The following TOM1L1 variants were observed in gnomAD, a reference collection of about 807,000 sequenced individuals.
TOM1L1 encodes the protein target of myb1 like 1 membrane trafficking protein.
In TOM1L1, 64 loss-of-function variants were observed where a neutral mutation model predicts 63.4. The observed-to-expected ratio is 1.01, with a 90% CI of 0.83 to 1.24. The LOEUF (loss-of-function observed/expected upper bound fraction) is 1.24, where lower values mean the gene tolerates loss of function less well. Among genes scored for constraint, TOM1L1 ranks in the 50% most tolerant of loss-of-function variants. The pLI is 0.00. For missense variants in TOM1L1, 536 were observed against 567.0 expected, an observed-to-expected ratio of 0.95 and a Z score of 0.55; for synonymous variants, 166 against 194.4, an observed-to-expected ratio of 0.85 and a Z score of 1.22.
At chr17:54,912,639 T>C (rs748142439) in intron 3 of TOM1L1, 27 bp from the exon 4 acceptor site, 2 of 1,494,868 alleles carry the variant, frequency 1.3e-6, no homozygotes, top group East Asian at 2.5e-5. Flanking sequence ...CAGATAAATA[T>C]AATGTTTAAT....
At chr17:54,936,917 T>C (rs1309382545) in intron 9 of TOM1L1, among the ~76,000 whole-genome samples, 192 bp from the exon 10 acceptor site, 9 of 152,286 alleles carry the variant, frequency 5.9e-5, no homozygotes, top group African/African-American at 2.2e-4. Context: ...GTTAATGTTA[T>C]GAAGTTATTA....
intron 8 of TOM1L1, chr17:54,930,445 C>G (rs533296585): frequency 7.1e-6 from 3 of 424,532 alleles, no homozygotes; most frequent in African/African-American, 6.1e-5. Flanking sequence ...TGGCTCCCAG[C>G]TATAATCTCA....
chr17:54,944,460 A>AG (rs909277474), intron 11 of TOM1L1, among the ~76,000 whole-genome samples: 2 of 152,004 alleles, frequency 1.3e-5, no homozygotes, highest in African/African-American at 4.8e-5. Flanking sequence ...AAAAAAAAAA[A>AG]AAAATTCAAG....
chr17:54,941,369 A>G (rs1176067650), intron 11 of TOM1L1, among the ~76,000 whole-genome samples: 1 of 152,214 alleles, frequency 6.6e-6, no homozygotes, highest in Non-Finnish European at 1.5e-5. Context: ...AAAGAGCAAA[A>G]TATAAGGGAA....
intron 14 of TOM1L1, among the ~76,000 whole-genome samples, chr17:54,951,287 G>A (rs1471918360): frequency 1.3e-5 from 2 of 152,184 alleles, no homozygotes; most frequent in African/African-American, 4.8e-5. Flanking sequence ...GAGTTTCCGT[G>A]CCCTCCCTGG....
At chr17:54,907,595 C>T (rs2048432659) in intron 3 of TOM1L1, among the ~76,000 whole-genome samples, 1 of 152,114 alleles carries the variant, frequency 6.6e-6, no homozygotes, top group Admixed American at 6.5e-5. Context: ...TGATTAAGCA[C>T]CCCACCCTCA....
At chr17:54,940,850 G>C (rs570617494) in intron 11 of TOM1L1, among the ~76,000 whole-genome samples, 1 of 152,098 alleles carries the variant, frequency 6.6e-6, no homozygotes, top group Non-Finnish European at 1.5e-5. Context: ...GAAGAGGCAG[G>C]ATAGAATAAA....
In TOM1L1 at chr17:54,954,926, T is replaced by A. The variant is rs2049417678; in HGVS notation, c.1370+4800T>A. 1.3e-5 allele frequency: 2 copies of A among 152,192 alleles called. 1 individual carries two copies. The highest frequency in any genetic ancestry group is 4.1e-4 in the South Asian group (2 of 4,834). The allele number at this position is 152,192 out of a possible 1,614,324, so 9.4% of individuals were successfully genotyped here. The stretch of plus-strand genomic sequence containing the variant: ...CAGTAAGTGACCCATATTCAGACCA[T>A]CTCTTCTGATCTAGGGAATACTGGA... On this transcript the variant is annotated intron_variant, in intron 14 of 15. Coordinates refer to ENST00000575882, the MANE Select transcript of TOM1L1 (RefSeq NM_005486.3).
chr17:54,924,716 C>T (rs1165334334), intron 7 of TOM1L1, among the ~76,000 whole-genome samples: 1 of 150,278 alleles, frequency 6.7e-6, no homozygotes, highest in Non-Finnish European at 1.5e-5. Context: ...GTTCTGGCTC[C>T]CAGATTAGTG....
chr17:54,939,955 T>C (rs1477903390), intron 11 of TOM1L1, among the ~76,000 whole-genome samples: 1 of 152,218 alleles, frequency 6.6e-6, no homozygotes, highest in Non-Finnish European at 1.5e-5. Context: ...GTAGCAAGTC[T>C]GATGGACTGA....
chr17:54,902,396 TCTC>T (rs1196361644), intron 1 of TOM1L1, among the ~76,000 whole-genome samples: 7 of 152,254 alleles, frequency 4.6e-5, no homozygotes, highest in South Asian at 2.1e-4. Context: ...TTCAAGCACT[TCTC>T]CTTCCTCAGC....
chr17:54,953,931 A>C (rs2049361366), intron 14 of TOM1L1: 1 of 152,048 alleles, frequency 6.6e-6, no homozygotes, highest in Non-Finnish European at 1.5e-5. Flanking sequence ...TCTTATTATC[A>C]ATTTAGGAAT....
At chr17:54,959,093 G>C (rs928754482) in intron 14 of TOM1L1, 1 of 152,190 alleles carries the variant, frequency 6.6e-6, no homozygotes, top group African/African-American at 2.4e-5. Flanking sequence ...AGAGGTTTGA[G>C]GAGAGTGAAG....
Position 54,914,679 on chromosome 17 carries a change from C to T in TOM1L1, c.539C>T (p.Thr180Ile), listed in dbSNP as rs1202647646. 1 of 1,613,898 alleles carries T rather than the reference C, an allele frequency of 6.2e-7. No individual in the cohort carries two copies. The highest frequency in any genetic ancestry group is 1.3e-5 in the African/African-American group (1 of 74,940). Residue 180 changes from threonine to isoleucine, a missense_variant, in exon 6 of 16, where the codon ACT becomes ATT. Thr to Ile is a moderately conservative substitution (Grantham distance 89). Coordinates refer to ENST00000575882, the MANE Select transcript of TOM1L1 (RefSeq NM_005486.3). ...ISSNPPTSVP[T>I]APALSSVIAP... Reference sequence around the variant, plus strand: ...TCAAATCCTCCAACATCTGTCCCTACTGCACCAGCTCTTTCTTCTGTAATT... The same window carrying T: ...TCAAATCCTCCAACATCTGTCCCTATTGCACCAGCTCTTTCTTCTGTAATT...
intron 1 of TOM1L1, among the ~76,000 whole-genome samples, chr17:54,903,041 G>C (rs2048352968): frequency 6.6e-6 from 1 of 152,224 alleles, no homozygotes; most frequent in South Asian, 2.1e-4. Flanking sequence ...ATTGGTTGAA[G>C]TTATAATAAT....
intron 7 of TOM1L1, 90 bp from the exon 8 acceptor site, chr17:54,929,983 T>G (rs1253221541): frequency 9.2e-6 from 14 of 1,526,074 alleles, no homozygotes; most frequent in African/African-American, 1.4e-5. Flanking sequence ...AACGTGGAGG[T>G]GACTGTAGGT....
At chr17:54,949,203 A>ATTTTTTTTTTTTTTTTTTT (rs58407367) in intron 12 of TOM1L1, among the ~76,000 whole-genome samples, 5 of 122,294 alleles carry the variant, frequency 4.1e-5, no homozygotes, top group East Asian at 2.2e-4. Flanking sequence ...ATGCCCAGCT[A>ATTTTTTTTTTTTTTTTTTT]TTTTTTTTTT....
chr17:54,930,098 T>C lies in TOM1L1; in HGVS notation c.746T>C (p.Met249Thr). ...AAACTCTATAAAACAGGTCGGGAGA[T>C]GCAGGAGAGGATCATGGACCTGCTT... is the stretch of plus-strand genomic sequence containing the variant. ...LQKLYKTGRE[M>T]QERIMDLLVV... The change falls in exon 8 of 16, where the codon ATG (methionine) becomes ACG (threonine). Residue 249 changes from methionine (M) to threonine (T), a missense_variant. Physicochemically the swap from Met to Thr is moderately conservative, Grantham distance 81 (BLOSUM62 -1). Coordinates refer to ENST00000575882, the MANE Select transcript of TOM1L1 (RefSeq NM_005486.3). 6.2e-7 allele frequency: 1 copy of C among 1,614,136 alleles called. No homozygotes were observed. The highest frequency in any genetic ancestry group is 8.5e-7 in the Non-Finnish European group (1 of 1,180,006).
intron 4 of TOM1L1, among the ~76,000 whole-genome samples, 200 bp from the exon 5 acceptor site, chr17:54,913,548 C>T (rs1407841433): frequency 1.3e-5 from 2 of 151,964 alleles, no homozygotes; most frequent in Non-Finnish European, 2.9e-5. Context: ...CGCCTGTAAT[C>T]CCAGCTACTC....
Sources: allele counts gnomAD v4.1 joint callset (sites outside exome capture counted in the v4.1 genomes callset), GRCh38; gene constraint gnomAD v4.1.1; transcripts MANE v1.5; gene names NCBI Gene and HGNC (gene_info 2026-07-23, HGNC 2026-07-21).